SCGB2B2: variants seen among roughly 807,000 people sequenced by gnomAD.
SCGB2B2 encodes the protein secretoglobin family 2B member 2.
In SCGB2B2, 11 loss-of-function variants were observed where a neutral mutation model predicts 7.6. The observed-to-expected ratio is 1.45, with a 90% CI of 0.91 to 2.40. The LOEUF is 2.40. SCGB2B2 is among the 30% of genes most tolerant of loss of function. SCGB2B2 has a pLI of 0.00. For missense variants in SCGB2B2, 104 were observed against 115.4 expected (o/e 0.90, Z 0.45); for synonymous variants, 50 against 48.6 (o/e 1.03, Z -0.12).
At chr19:34,611,110 T>C (rs1445841060) in intron 1 of SCGB2B2, among the ~76,000 whole-genome samples, 1 of 152,196 alleles carries the variant, frequency 6.6e-6, no homozygotes, top group Non-Finnish European at 1.5e-5. Context: ...TGTTAGCTTA[T>C]AGTTATTTGT....
chr19:34,592,534 T>C lies in SCGB2B2; in HGVS notation c.*1021A>G, dbSNP rs2065324210. 6.6e-6 allele frequency among the ~76,000 whole-genome samples: 1 copy of C among 150,954 alleles called. No individual in the cohort carries two copies. The highest frequency in any genetic ancestry group is 1.5e-5 in the Non-Finnish European group (1 of 67,688). On this transcript the variant is annotated 3_prime_UTR_variant, in exon 4 of 4. Transcript: ENST00000601241. The stretch of plus-strand genomic sequence containing the variant: ...CTAGGGCGGTGTGAGCTGATAGGGG[T>C]AGGCGACCACCGCCTGGGAGGTCCA...
intron 1 of SCGB2B2, among the ~76,000 whole-genome samples, chr19:34,672,148 G>GAATA (rs957203618): frequency 3.3e-5 from 5 of 151,382 alleles, no homozygotes; most frequent in Non-Finnish European, 7.4e-5. Flanking sequence ...ATGAATAAAT[G>GAATA]AATAAATAAA....
At chr19:34,603,713 T>C (rs1418835424) in intron 1 of SCGB2B2, among the ~76,000 whole-genome samples, 1 of 152,158 alleles carries the variant, frequency 6.6e-6, no homozygotes, top group East Asian at 1.9e-4. Context: ...TATTTGAATA[T>C]TTTTCTTGGA....
At chr19:34,626,817 A>G (rs541131329) in intron 1 of SCGB2B2, among the ~76,000 whole-genome samples, 2 of 152,358 alleles carry the variant, frequency 1.3e-5, no homozygotes, top group Admixed American at 6.5e-5. Context: ...CAGATTCACC[A>G]AAGTTGAAAT....
At chr19:34,608,942 C>T (rs1389738766) in intron 1 of SCGB2B2, among the ~76,000 whole-genome samples, 2 of 151,808 alleles carry the variant, frequency 1.3e-5, no homozygotes, top group Non-Finnish European at 2.9e-5. Flanking sequence ...TCCTATCAAC[C>T]AGCAAGAGTT....
At chr19:34,664,826 A>C in intron 1 of SCGB2B2, among the ~76,000 whole-genome samples, 1 of 149,330 alleles carries the variant, frequency 6.7e-6, no homozygotes, top group Admixed American at 6.7e-5. Context: ...CATCACCCCC[A>C]CTTAGAGGCC....
At chr19:34,587,186 G>T (rs532066251), downstream of SCGB2B2, among the ~76,000 whole-genome samples, 174 of 152,228 alleles carry the variant, frequency 1.1e-3, 1 homozygote, top group African/African-American at 4.0e-3. Context: ...GGGATTACAG[G>T]TGTGAGCCAC....
intron 1 of SCGB2B2, among the ~76,000 whole-genome samples, chr19:34,666,487 C>T (rs1257931187): frequency 6.6e-6 from 1 of 152,138 alleles, no homozygotes; most frequent in East Asian, 1.9e-4. Flanking sequence ...CTGCAGTGCA[C>T]AGCCACCTAG....
chr19:34,615,211 G>A (rs985311057), intron 1 of SCGB2B2, among the ~76,000 whole-genome samples: 16 of 152,116 alleles, frequency 1.1e-4, no homozygotes, highest in African/African-American at 3.6e-4. Context: ...CAGGACACAG[G>A]GTGGGCTTCT....
chr19:34,655,539 G>A (rs755894573), intron 1 of SCGB2B2, among the ~76,000 whole-genome samples: 35 of 151,150 alleles, frequency 2.3e-4, no homozygotes, highest in South Asian at 1.5e-3. Context: ...AATCTTACAC[G>A]CACTGATTGA....
chr19:34,652,986 AAAATGTGGTATACATACAC>A (rs1212281829), intron 1 of SCGB2B2, among the ~76,000 whole-genome samples: 1 of 151,388 alleles, frequency 6.6e-6, no homozygotes, highest in Non-Finnish European at 1.5e-5. Flanking sequence ...CAGATGAAAA[AAAATGTGGTATACATACAC>A]AATGAAATAG....
intron 1 of SCGB2B2, among the ~76,000 whole-genome samples, chr19:34,644,366 T>TG (rs1224082745): frequency 4.0e-5 from 6 of 148,586 alleles, no homozygotes; most frequent in South Asian, 4.2e-4. Context: ...TTTTTTGTTT[T>TG]TTTTTTTTTA....
rs2065299064 is a variant in SCGB2B2, at chr19:34,591,575, A to C, written c.*1980T>G. ...CCCAGGATTTTTCACTGCACATGGAAAGGATCCACCTTTCTGCAAGGTCCT... is the reference window on the plus strand; with the variant it reads ...CCCAGGATTTTTCACTGCACATGGACAGGATCCACCTTTCTGCAAGGTCCT... On this transcript the variant is annotated 3_prime_UTR_variant, in exon 4 of 4. Transcript: ENST00000601241. 6.6e-6 allele frequency among the ~76,000 whole-genome samples: 1 copy of C among 152,196 alleles called. No homozygotes were observed. Among genetic ancestry groups the C allele is most frequent in the African/African-American group, 2.4e-5 (1 of 41,466 alleles).
At position 34,662,978 on chromosome 19, in the gene SCGB2B2, T is replaced by A. The variant is rs146339271; in HGVS notation, c.-2032+12652A>T. On this transcript the variant is annotated intron_variant, in intron 1 of 3. Transcript: ENST00000601241. ...AACAAACAAAAAAAAACAATAAAAG[T>A]GCGGAAAAAGCCTTCTACTCACATT... Among the ~76,000 whole-genome samples the A allele has an allele frequency of 1.1e-3, 162 of 150,362 alleles. 1 individual carries two copies. In the East Asian group the frequency reaches 0.02, roughly 18 times the overall value.
chr19:34,635,009 T>C, intron 1 of SCGB2B2: 1 of 295,430 alleles, frequency 3.4e-6, no homozygotes, highest in Non-Finnish European at 7.0e-6. Flanking sequence ...TCAGTGCACT[T>C]ATAAGGCCTT....
chr19:34,664,933 C>A (rs552689528), intron 1 of SCGB2B2, among the ~76,000 whole-genome samples: 64 of 152,214 alleles, frequency 4.2e-4, no homozygotes, highest in African/African-American at 1.5e-3. Context: ...AGAAATCCTG[C>A]AAATGCCCTG....
intron 1 of SCGB2B2, among the ~76,000 whole-genome samples, chr19:34,635,877 C>T (rs538812072): frequency 6.6e-6 from 1 of 152,354 alleles, no homozygotes; most frequent in East Asian, 1.9e-4. Flanking sequence ...AGGCATTTCT[C>T]TCCACTGTGC....
intron 1 of SCGB2B2, chr19:34,634,963 G>A (rs1177891662): frequency 1.1e-5 from 3 of 282,024 alleles, no homozygotes; most frequent in African/African-American, 2.3e-5. Flanking sequence ...CTGATGTGCA[G>A]TAAGGCCAGA....
At chr19:34,628,830 A>T (rs2066450237) in intron 1 of SCGB2B2, among the ~76,000 whole-genome samples, 1 of 152,014 alleles carries the variant, frequency 6.6e-6, no homozygotes, top group Non-Finnish European at 1.5e-5. Flanking sequence ...AAAGAATTTT[A>T]GACCAATATC....
Sources: allele counts gnomAD v4.1 joint callset (sites outside exome capture counted in the v4.1 genomes callset), GRCh38; gene constraint gnomAD v4.1.1; transcripts MANE v1.5; gene names NCBI Gene and HGNC (gene_info 2026-07-23, HGNC 2026-07-21).